The following TSHZ2 variants were observed in gnomAD, a reference collection of about 807,000 sequenced individuals.
TSHZ2 encodes the protein teashirt homolog 2.
A neutral mutation model predicts 74.4 loss-of-function variants in TSHZ2; 21 were observed. The ratio of observed to expected loss-of-function variants is 0.28; its 90% CI spans 0.20 to 0.41. The LOEUF is 0.41. TSHZ2 is among the 10% of genes least tolerant of loss of function. The pLI is 1.00. For synonymous variants in TSHZ2, 540 were observed against 515.3 expected, an observed-to-expected ratio of 1.05 and a Z score of -0.65; for missense variants, 1,244 against 1,293.5, an observed-to-expected ratio of 0.96 and a Z score of 0.59.
intron 1 of TSHZ2, among the ~76,000 whole-genome samples, chr20:53,231,286 A>G (rs1037818514): frequency 6.6e-6 from 1 of 152,236 alleles, no homozygotes; most frequent in Non-Finnish European, 1.5e-5. Context: ...AAATCATTGA[A>G]TGTCTTTCTA....
chr20:53,232,913 A>T (rs1040804609), intron 1 of TSHZ2, among the ~76,000 whole-genome samples: 1 of 152,186 alleles, frequency 6.6e-6, no homozygotes, highest in Non-Finnish European at 1.5e-5. Flanking sequence ...AGAAAAAAAA[A>T]TGCTTATAAT....
intron 1 of TSHZ2, among the ~76,000 whole-genome samples, chr20:53,117,627 G>A (rs1986706032): frequency 6.6e-6 from 1 of 152,172 alleles, no homozygotes; most frequent in African/African-American, 2.4e-5. Flanking sequence ...AGCCAGTTGT[G>A]CAAATATTTA....
chr20:53,402,215 T>C (rs993548536), intron 2 of TSHZ2, among the ~76,000 whole-genome samples: 5 of 152,244 alleles, frequency 3.3e-5, no homozygotes, highest in African/African-American at 1.2e-4. Context: ...TTTTCCCCTG[T>C]AGTGGGAGTG....
At position 53,185,160 on chromosome 20, in the gene TSHZ2, G is replaced by A. The variant is rs1443923408; in HGVS notation, c.41-68339G>A. 6.1e-6 allele frequency: 6 copies of A among 977,952 alleles called. No homozygotes were observed. The African/African-American group carries it at 1.1e-4, about 17-fold the overall frequency. The allele number at this position is 977,952 out of a possible 1,614,324, so 60.6% of individuals were successfully genotyped here. A position where few individuals can be genotyped will look rare whatever the true frequency, so the allele number is the denominator to read the frequency against. The stretch of plus-strand genomic sequence containing the variant: ...ATGACCCAGAATTATAGAAGAGATT[G>A]AGCCAATTGTTTTGAAGAATGTCTT... On this transcript the variant is annotated intron_variant, in intron 1 of 2. Transcript: ENST00000371497.
At chr20:53,051,156 T>C (rs1441771567) in intron 1 of TSHZ2, among the ~76,000 whole-genome samples, 1 of 152,102 alleles carries the variant, frequency 6.6e-6, no homozygotes, top group Non-Finnish European at 1.5e-5. Context: ...CTGGCCAACA[T>C]GGTGAAACTC....
chr20:53,287,719 G>C lies in TSHZ2; in HGVS notation c.*8+31148G>C, dbSNP rs535281433. 2.3e-4 allele frequency among the ~76,000 whole-genome samples: 35 copies of C among 152,238 alleles called. No individual in the cohort carries two copies. The South Asian group carries it at 6.0e-3, about 26-fold the overall frequency. On this transcript the variant is annotated intron_variant, in intron 2 of 2. Coordinates refer to ENST00000371497, the MANE Select transcript of TSHZ2 (RefSeq NM_173485.6). ...TTGGATTTCTTGTCCTTCTAAAATT[G>C]TTTTTCTGTGGTTAATATCACCTTG...
At chr20:53,110,711 A>G (rs1360734208) in intron 1 of TSHZ2, among the ~76,000 whole-genome samples, 1 of 151,930 alleles carries the variant, frequency 6.6e-6, no homozygotes, top group Non-Finnish European at 1.5e-5. Context: ...CATGGCAGAG[A>G]AAAGTTGGGA....
chr20:53,251,661 A>G (rs1421769511), intron 1 of TSHZ2, among the ~76,000 whole-genome samples: 2 of 152,214 alleles, frequency 1.3e-5, no homozygotes. Context: ...CACCAATAGC[A>G]GTAAAATAAC....
intron 1 of TSHZ2, among the ~76,000 whole-genome samples, chr20:53,145,697 G>C (rs1987523729): frequency 1.3e-5 from 2 of 152,104 alleles, no homozygotes; most frequent in African/African-American, 4.8e-5. Context: ...AAGCTTCTAG[G>C]GGCATTATTC....
chr20:53,051,395 A>G (rs1470859549), intron 1 of TSHZ2, among the ~76,000 whole-genome samples: 1 of 151,816 alleles, frequency 6.6e-6, no homozygotes, highest in African/African-American at 2.4e-5. Flanking sequence ...TTTGGTAAAA[A>G]TGACTTTTGA....
chr20:53,401,785 T>C (rs1009485168), intron 2 of TSHZ2, among the ~76,000 whole-genome samples: 2 of 145,398 alleles, frequency 1.4e-5, no homozygotes, highest in South Asian at 2.2e-4. Flanking sequence ...TTTTTTTTTT[T>C]TTTTTTTTTT....
intron 2 of TSHZ2, among the ~76,000 whole-genome samples, chr20:53,393,817 A>G (rs1379086209): frequency 6.6e-6 from 1 of 152,240 alleles, no homozygotes; most frequent in Admixed American, 6.5e-5. Context: ...GGGAGGTTAC[A>G]TAGGACTCTA....
chr20:53,458,623 C>CT (rs1985214618), intron 2 of TSHZ2, among the ~76,000 whole-genome samples: 1 of 151,744 alleles, frequency 6.6e-6, no homozygotes, highest in Non-Finnish European at 1.5e-5. Flanking sequence ...TGTGTTTGCT[C>CT]TTGCTTTTCT....
chr20:53,097,652 A>G (rs2056448059), intron 1 of TSHZ2: 1 of 152,518 alleles, frequency 6.6e-6, no homozygotes, highest in East Asian at 1.9e-4. Flanking sequence ...AATGAAAACC[A>G]GATGTGAGGA....
intron 1 of TSHZ2, among the ~76,000 whole-genome samples, chr20:53,044,790 G>A (rs965494991): frequency 1.3e-5 from 2 of 152,090 alleles, no homozygotes; most frequent in African/African-American, 4.8e-5. Context: ...GCTCGCTGCA[G>A]CCCTGAACTC....
intron 2 of TSHZ2, among the ~76,000 whole-genome samples, chr20:53,378,172 T>A (rs1600591847): frequency 6.6e-6 from 1 of 151,936 alleles, no homozygotes; most frequent in African/African-American, 2.4e-5. Context: ...AAACCCCATC[T>A]CTAATAAAAA....
chr20:53,159,652 TAA>T (rs11475461), intron 1 of TSHZ2, among the ~76,000 whole-genome samples: 9 of 146,396 alleles, frequency 6.1e-5, no homozygotes, highest in African/African-American at 5.0e-5. Context: ...AAACAGGAGT[TAA>T]AAAAAAAAAA....
chr20:53,301,379 TGTGTGACCTCA>T lies in TSHZ2; in HGVS notation c.*8+44810_*8+44820del, dbSNP rs1192566323. Among the ~76,000 whole-genome samples, 3 of 152,350 alleles carry T rather than the reference TGTGTGACCTCA, an allele frequency of 2.0e-5. No individual in the cohort carries two copies. In the East Asian group the frequency reaches 5.8e-4, roughly 29 times the overall value. On this transcript the variant is annotated intron_variant, in intron 2 of 2. Transcript: ENST00000371497. ...TTCAGATTCTGTCTTTCTCAATGACTGTGTGACCTCAGACAGGCCATTTAATCTCTGGGTTT... is the reference window on the plus strand; with the variant it reads ...TTCAGATTCTGTCTTTCTCAATGACTGACAGGCCATTTAATCTCTGGGTTT...
intron 2 of TSHZ2, among the ~76,000 whole-genome samples, chr20:53,462,604 G>T (rs1985415072): frequency 6.6e-6 from 1 of 152,166 alleles, no homozygotes; most frequent in Non-Finnish European, 1.5e-5. Flanking sequence ...TTCATTTATG[G>T]CTGTGCTTGG....
Sources: gnomAD v4.1 joint callset for allele counts (sites outside exome capture counted in the v4.1 genomes callset) on GRCh38, gnomAD v4.1.1 for gene constraint, MANE v1.5 for transcripts, NCBI Gene and HGNC (gene_info 2026-07-23, HGNC 2026-07-21) for gene names.